Variants in GPM6A observed in about 807,000 individuals in gnomAD.
GPM6A encodes neuronal membrane glycoprotein M6-a.
Under a neutral mutation model 32.1 loss-of-function variants are expected in GPM6A, and 7 were observed. That is an observed-to-expected ratio of 0.22 (90% CI 0.12 to 0.41). GPM6A has a LOEUF of 0.41. Among genes scored for constraint, GPM6A ranks in the 10% least tolerant of loss-of-function variants. GPM6A has a pLI of 1.00. For synonymous variants in GPM6A, 130 were observed against 123.4 expected, an observed-to-expected ratio of 1.05 and a Z score of -0.35; for missense variants, 235 against 347.2, an observed-to-expected ratio of 0.68 and a Z score of 2.57.
At chr4:175,732,012 G>C (rs1260580027) in intron 1 of GPM6A, among the ~76,000 whole-genome samples, 1 of 144,300 alleles carries the variant, frequency 6.9e-6, no homozygotes, top group African/African-American at 2.5e-5. Context: ...TGTCGCCCAG[G>C]CTGGAGTGCA....
chr4:175,762,913 G>A (rs7668490), intron 1 of GPM6A, among the ~76,000 whole-genome samples: 51,738 of 151,902 alleles, frequency 0.34, 9,365 homozygotes, highest in Admixed American at 0.41. Flanking sequence ...CTGGGAGAGA[G>A]GGAAGGGAAA....
chr4:175,781,105 C>T (rs17607429), intron 1 of GPM6A: 1 of 149,592 alleles, frequency 6.7e-6, no homozygotes, highest in African/African-American at 2.4e-5. Flanking sequence ...CCTATAAATG[C>T]AGCAAAGGGC....
intron 1 of GPM6A, among the ~76,000 whole-genome samples, chr4:175,874,844 C>G (rs1737031968): frequency 6.6e-6 from 1 of 151,998 alleles, no homozygotes; most frequent in Non-Finnish European, 1.5e-5. Context: ...TTAATTAAGC[C>G]AAGGCCGTGG....
At chr4:175,715,389 C>T (rs571743383) in intron 1 of GPM6A, among the ~76,000 whole-genome samples, 42 of 152,302 alleles carry the variant, frequency 2.8e-4, no homozygotes, top group African/African-American at 8.9e-4. Flanking sequence ...AATAGGTCTG[C>T]GGTCATCTGA....
chr4:175,701,818 AT>A (rs200605053), intron 1 of GPM6A, 51 bp from the exon 2 acceptor site: 537 of 1,319,522 alleles, frequency 4.1e-4, no homozygotes, highest in Middle Eastern at 7.5e-4. Context: ...ACCTAATTTA[AT>A]TTTTTTTTTC....
intron 3 of GPM6A, among the ~76,000 whole-genome samples, chr4:175,668,679 C>A (rs1026096664): frequency 2.0e-5 from 3 of 152,038 alleles, no homozygotes; most frequent in Admixed American, 6.6e-5. Flanking sequence ...CTTAGACTAC[C>A]AAGTTCTCTC....
intron 1 of GPM6A, among the ~76,000 whole-genome samples, chr4:175,818,750 A>ATAT (rs1255169141): frequency 6.6e-6 from 1 of 152,270 alleles, no homozygotes; most frequent in East Asian, 1.9e-4. Flanking sequence ...GGGGAGATAC[A>ATAT]TATCATGTTC....
chr4:175,834,231 T>TA (rs1468550249), intron 1 of GPM6A, among the ~76,000 whole-genome samples: 1 of 152,176 alleles, frequency 6.6e-6, no homozygotes, highest in East Asian at 1.9e-4. Context: ...AGAATGTCCC[T>TA]ACGCCTCAAT....
At chr4:175,732,585 CAA>C (rs949542168) in intron 1 of GPM6A, among the ~76,000 whole-genome samples, 4 of 152,050 alleles carry the variant, frequency 2.6e-5, no homozygotes, top group Non-Finnish European at 5.9e-5. Context: ...AACCAGGTAA[CAA>C]AGATTTCATC....
chr4:175,648,696 C>T (rs1741613163), intron 4 of GPM6A, among the ~76,000 whole-genome samples: 1 of 152,222 alleles, frequency 6.6e-6, no homozygotes, highest in African/African-American at 2.4e-5. Context: ...AGGCCACCCA[C>T]ATGCCTTGGC....
chr4:175,823,500 A>G (rs1338036872), intron 1 of GPM6A, among the ~76,000 whole-genome samples: 1 of 152,252 alleles, frequency 6.6e-6, no homozygotes, highest in Non-Finnish European at 1.5e-5. Context: ...GGGTGTAAAT[A>G]CAACTTTATG....
At chr4:175,744,243 G>A (rs1302512496) in intron 1 of GPM6A, among the ~76,000 whole-genome samples, 1 of 152,006 alleles carries the variant, frequency 6.6e-6, no homozygotes, top group African/African-American at 2.4e-5. Context: ...TTTAAGCAAT[G>A]TATTTCCAAA....
intron 1 of GPM6A, among the ~76,000 whole-genome samples, chr4:175,729,462 A>G (rs1731319390): frequency 1.3e-5 from 2 of 152,322 alleles, no homozygotes; most frequent in South Asian, 2.1e-4. Context: ...CTCCCTGTCT[A>G]TTTAAAGTCA....
Position 175,688,911 on chromosome 4 carries a change from G to A in GPM6A, c.230+12664C>T, listed in dbSNP as rs539598763. On this transcript the variant is annotated intron_variant, in intron 2 of 6. Transcript: ENST00000393658. The stretch of plus-strand genomic sequence containing the variant: ...TCTGTCACCTAGGCTGAAGTGTAGC[G>A]GTGCAATCATAGCTCACCACAGCCT... Among the ~76,000 whole-genome samples, 10 of 152,126 alleles carry A rather than the reference G, an allele frequency of 6.6e-5. No homozygotes were observed. In the South Asian group the frequency reaches 1.0e-3, roughly 16 times the overall value.
intron 1 of GPM6A, among the ~76,000 whole-genome samples, chr4:175,844,665 C>T (rs1303180264): frequency 6.6e-6 from 1 of 152,162 alleles, no homozygotes; most frequent in Non-Finnish European, 1.5e-5. Flanking sequence ...CATTGTCCAA[C>T]TTTCTGACTC....
intron 1 of GPM6A, among the ~76,000 whole-genome samples, chr4:175,896,726 G>C (rs1327441392): frequency 1.3e-5 from 2 of 152,138 alleles, no homozygotes; most frequent in Admixed American, 6.6e-5. Flanking sequence ...GGGGGCAGGA[G>C]ACAGGGTAGA....
At chr4:175,964,744 A>AT (rs1561014376) in intron 1 of GPM6A, among the ~76,000 whole-genome samples, 1 of 152,020 alleles carries the variant, frequency 6.6e-6, no homozygotes, top group Non-Finnish European at 1.5e-5. Context: ...AGTCCATTAC[A>AT]TTGTTAACAC....
At chr4:175,977,170 A>T (rs995388076) in intron 1 of GPM6A, among the ~76,000 whole-genome samples, 1 of 152,224 alleles carries the variant, frequency 6.6e-6, no homozygotes, top group Non-Finnish European at 1.5e-5. Context: ...GAATTCATCA[A>T]AGTTAGACTT....
chr4:175,647,426 T>A (rs910462882), intron 4 of GPM6A, among the ~76,000 whole-genome samples: 4 of 152,172 alleles, frequency 2.6e-5, no homozygotes, highest in Non-Finnish European at 5.9e-5. Flanking sequence ...TAAAATTATT[T>A]CATGAGCAGT....
Sources: gnomAD v4.1 joint callset for allele counts (sites outside exome capture counted in the v4.1 genomes callset) on GRCh38, gnomAD v4.1.1 for gene constraint, MANE v1.5 for transcripts, NCBI Gene and HGNC (gene_info 2026-07-23, HGNC 2026-07-21) for gene names.